PCLO: variants seen among roughly 807,000 people sequenced by gnomAD.
PCLO encodes the protein protein piccolo.
Under a neutral mutation model 427.5 loss-of-function variants are expected in PCLO, and 82 were observed. The ratio of observed to expected loss-of-function variants is 0.19; its 90% CI spans 0.16 to 0.23. The LOEUF (loss-of-function observed/expected upper bound fraction) is 0.23, where lower values mean the gene tolerates loss of function less well. Among genes scored for constraint, PCLO ranks in the 10% least tolerant of loss-of-function variants. The pLI is 1.00. For synonymous variants in PCLO, 2,357 were observed against 2,155.4 expected (o/e 1.09, Z -2.59); for missense variants, 6,239 against 6,115.9 (o/e 1.02, Z -0.67).
intron 3 of PCLO, among the ~76,000 whole-genome samples, chr7:82,967,197 CTTTTTTTTT>C (rs766172385): frequency 3.8e-5 from 5 of 133,186 alleles, no homozygotes; most frequent in African/African-American, 1.3e-4. Flanking sequence ...TTCTTCTTTT[CTTTTTTTTT>C]TTTTTTTTGC....
At chr7:82,940,755 CTTTTTTT>C (rs71531190) in intron 6 of PCLO, among the ~76,000 whole-genome samples, 1,366 of 109,126 alleles carry the variant, frequency 0.013, 13 homozygotes, top group African/African-American at 0.041. Context: ...TTTTTTCTTT[CTTTTTTT>C]TTTTTTTTTT....
intron 6 of PCLO, among the ~76,000 whole-genome samples, chr7:82,945,593 T>C (rs1386504922): frequency 3.3e-5 from 5 of 152,142 alleles, no homozygotes; most frequent in Admixed American, 3.3e-4. Context: ...ACATTTCTGT[T>C]GTTGAAGCCA....
At chr7:83,113,922 T>C (rs990362137) in intron 3 of PCLO, among the ~76,000 whole-genome samples, 3 of 152,122 alleles carry the variant, frequency 2.0e-5, no homozygotes, top group Non-Finnish European at 4.4e-5. Context: ...AATTTCTTAA[T>C]GTTTCATATA....
chr7:82,770,894 G>T (rs554058330), intron 22 of PCLO, among the ~76,000 whole-genome samples: 4 of 151,894 alleles, frequency 2.6e-5, no homozygotes, highest in African/African-American at 9.6e-5. Flanking sequence ...GTTTTACAAA[G>T]GCTATATTAA....
At chr7:83,048,381 T>C (rs978499211) in intron 3 of PCLO, among the ~76,000 whole-genome samples, 2 of 152,072 alleles carry the variant, frequency 1.3e-5, no homozygotes, top group African/African-American at 2.4e-5. Flanking sequence ...TCAGGTGCCC[T>C]AGACTAAATT....
At chr7:82,965,321 T>C (rs1237297056) in intron 4 of PCLO, among the ~76,000 whole-genome samples, 29 of 149,854 alleles carry the variant, frequency 1.9e-4, no homozygotes, top group East Asian at 3.9e-4. Context: ...TCTTTCTTTT[T>C]TTTTTTTTTT....
chr7:82,922,946 T>C (rs1794632368), intron 6 of PCLO, among the ~76,000 whole-genome samples: 1 of 152,052 alleles, frequency 6.6e-6, no homozygotes, highest in South Asian at 2.1e-4. Flanking sequence ...TTTAGGTTTG[T>C]TCTCTCAACT....
At position 82,822,689 on chromosome 7, in the gene PCLO, T is replaced by G; in HGVS notation, c.14597A>C (p.Asp4866Ala). The change falls in exon 20 of 25, where the codon GAC (aspartate) becomes GCC (alanine). Residue 4866 changes from aspartate (D) to alanine (A), a missense_variant and splice_region_variant. Physicochemically the swap from Asp to Ala is moderately radical, Grantham distance 126. Around this residue, in one of 5 missense-constraint regions of PCLO, gnomAD observed 877 missense variants for 925.5 expected, o/e 0.95. Transcript: ENST00000333891. The stretch of plus-strand genomic sequence containing the variant: ...TTTCTCAATGGTGGGAACCTGCATG[T>G]CTGGTCACAAAAGGGTAAAACATGA... ...SHGIFPDPSK[D>A]MQVPTIEKSH... The G allele has an allele frequency of 6.2e-7, 1 of 1,612,438 alleles. No individual in the cohort carries two copies. Among genetic ancestry groups the G allele is most frequent in the Non-Finnish European group, 8.5e-7 (1 of 1,179,514 alleles).
At chr7:83,145,014 A>C (rs1791958993) in intron 2 of PCLO, among the ~76,000 whole-genome samples, 1 of 152,218 alleles carries the variant, frequency 6.6e-6, no homozygotes, top group Non-Finnish European at 1.5e-5. Context: ...AGAATAGGAA[A>C]GGTACTTTAC....
At chr7:82,920,666 TA>T (rs1451471031) in intron 6 of PCLO, among the ~76,000 whole-genome samples, 8 of 151,802 alleles carry the variant, frequency 5.3e-5, no homozygotes, top group African/African-American at 1.9e-4. Context: ...TTAATTTATA[TA>T]ATGCAATTTA....
intron 9 of PCLO, among the ~76,000 whole-genome samples, chr7:82,884,566 A>C (rs1584099095): frequency 6.6e-6 from 1 of 152,190 alleles, no homozygotes; most frequent in Non-Finnish European, 1.5e-5. Context: ...ATATAAGACA[A>C]TTGCAAAATT....
chr7:82,883,315 T>C (rs1554346257), intron 9 of PCLO, among the ~76,000 whole-genome samples: 1 of 152,084 alleles, frequency 6.6e-6, no homozygotes, highest in Non-Finnish European at 1.5e-5. Flanking sequence ...ACTTACACTC[T>C]TGAGTAAGGC....
At chr7:83,020,614 C>T (rs1788319944) in intron 3 of PCLO, among the ~76,000 whole-genome samples, 1 of 152,050 alleles carries the variant, frequency 6.6e-6, no homozygotes, top group African/African-American at 2.4e-5. Flanking sequence ...AATGCTTGTG[C>T]CTTGATCTTG....
At chr7:83,082,884 T>C (rs182173703) in intron 3 of PCLO, among the ~76,000 whole-genome samples, 7 of 151,762 alleles carry the variant, frequency 4.6e-5, no homozygotes, top group African/African-American at 7.2e-5. Context: ...AGCTATAAAG[T>C]ATATAAAACT....
In PCLO at chr7:82,949,677, T is replaced by C; in HGVS notation, c.10911A>G (p.Glu3637=). The change falls in exon 6 of 25, where the codon GAA becomes GAG. Residue 3637 remains glutamate (E), a synonymous_variant. Transcript: ENST00000333891. ...ISPLSPGKAL[E]SAFVPYEKPL... is the part of the protein sequence containing the mutation. ...GTTTTTCATAAGGTACAAAGGCTGATTCTAAGGCTTTGCCTGGTGAAAGTG... is the reference window on the plus strand; with the variant it reads ...GTTTTTCATAAGGTACAAAGGCTGACTCTAAGGCTTTGCCTGGTGAAAGTG... The C allele has an allele frequency of 6.2e-7, 1 of 1,613,850 alleles. No homozygotes were observed. The highest frequency in any genetic ancestry group is 8.5e-7 in the Non-Finnish European group (1 of 1,179,822).
At chr7:83,099,673 G>T (rs13234194) in intron 3 of PCLO, among the ~76,000 whole-genome samples, 6,763 of 152,182 alleles carry the variant, frequency 0.044, 179 homozygotes, top group South Asian at 0.096. Context: ...TTACAGGCGT[G>T]AGCCACTGCG....
At chr7:82,926,458 A>C (rs2116320599) in intron 6 of PCLO, among the ~76,000 whole-genome samples, 1 of 152,314 alleles carries the variant, frequency 6.6e-6, no homozygotes, top group East Asian at 1.9e-4. Flanking sequence ...GGACCCTATT[A>C]ATAATAGAAT....
chr7:82,892,542 A>G (rs1350179721), intron 9 of PCLO, among the ~76,000 whole-genome samples: 3 of 152,128 alleles, frequency 2.0e-5, no homozygotes, highest in Admixed American at 2.0e-4. Context: ...CTAAAACACC[A>G]AAAGCAATGG....
At chr7:82,871,453 G>A (rs1422641208) in intron 10 of PCLO, among the ~76,000 whole-genome samples, 14 of 151,920 alleles carry the variant, frequency 9.2e-5, no homozygotes, top group Non-Finnish European at 1.5e-5. Flanking sequence ...ATGTTGGAAT[G>A]GGTGGTGTGG....
Sources: gnomAD v4.1 joint callset for allele counts (sites outside exome capture counted in the v4.1 genomes callset) on GRCh38, gnomAD v4.1.1 for gene constraint, gnomAD v4.1.1 regional missense constraint, MANE v1.5 for transcripts, NCBI Gene and HGNC (gene_info 2026-07-23, HGNC 2026-07-21) for gene names.